UPP2: variants seen among roughly 807,000 people sequenced by gnomAD.
UPP2 encodes the protein uridine phosphorylase 2, also known as UPase 2.
Under a neutral mutation model 26.7 loss-of-function variants are expected in UPP2, and 23 were observed. The observed-to-expected ratio is 0.86, with a 90% confidence interval of 0.62 to 1.22. The LOEUF (loss-of-function observed/expected upper bound fraction) is 1.22. UPP2 is among the 50% of genes most tolerant of loss of function. The probability of loss-of-function intolerance (pLI) is 0.00; values close to 1 mark genes in which losing one functional copy is unlikely to be tolerated. For missense variants in UPP2, 387 were observed against 396.7 expected (o/e 0.98, Z 0.21); for synonymous variants, 127 against 141.3 (o/e 0.90, Z 0.72).
intron 3 of UPP2, among the ~76,000 whole-genome samples, chr2:158,042,994 C>T (rs1684102000): frequency 6.6e-6 from 1 of 152,230 alleles, no homozygotes; most frequent in Non-Finnish European, 1.5e-5. Context: ...CAGTCTCAAA[C>T]CCTCATTTCA....
At position 158,102,091 on chromosome 2, in the gene UPP2, A is replaced by G; in HGVS notation, c.28A>G (p.Arg10Gly). The change falls in exon 1 of 7, where the codon AGG becomes GGG. Residue 10 changes from arginine (R) to glycine (G), a missense_variant. Transcript: ENST00000005756. ...GGCTTCAGTTATACCTGCCTCCAAT[A>G]GGTCCATGAGATCTGACAGGAATAC... MASVIPASN[R>G]SMRSDRNTYV... 1 of 1,613,552 alleles carries G rather than the reference A, an allele frequency of 6.2e-7. No homozygotes were observed. Among genetic ancestry groups the G allele is most frequent in the Non-Finnish European group, 8.5e-7 (1 of 1,179,752 alleles).
chr2:158,116,426 A>T (rs993322386), intron 3 of UPP2, among the ~76,000 whole-genome samples: 19 of 152,204 alleles, frequency 1.2e-4, no homozygotes, highest in African/African-American at 4.3e-4. Context: ...CTTCACAGTA[A>T]GAAATGAAAA....
At chr2:158,045,643 C>A (rs1684142505) in intron 3 of UPP2, among the ~76,000 whole-genome samples, 1 of 152,098 alleles carries the variant, frequency 6.6e-6, no homozygotes, top group Non-Finnish European at 1.5e-5. Flanking sequence ...TTTGGGTTGG[C>A]TTTTGGTGCT....
chr2:158,127,117 G>A (rs1009186580), intron 6 of UPP2, among the ~76,000 whole-genome samples: 2 of 152,152 alleles, frequency 1.3e-5, no homozygotes, highest in Non-Finnish European at 1.5e-5. Flanking sequence ...TTGGGTCCAC[G>A]TGGATTACCA....
At chr2:158,029,795 C>CT (rs565905140) in intron 3 of UPP2, among the ~76,000 whole-genome samples, 1,630 of 132,488 alleles carry the variant, frequency 0.012, 28 homozygotes, top group African/African-American at 0.037. Context: ...CATCTCGTTT[C>CT]TTTTTTTTTT....
intron 3 of UPP2, among the ~76,000 whole-genome samples, chr2:158,090,284 C>G (rs953767838): frequency 2.6e-5 from 4 of 152,116 alleles, no homozygotes; most frequent in Non-Finnish European, 4.4e-5. Context: ...GGGCGGATCA[C>G]GAGGTCGGGG....
In UPP2 at chr2:158,106,312, A is replaced by G. The variant is rs182867359; in HGVS notation, c.180+96A>G. ...AATAATCTATACACCTTTGGCTAGCACAGTCCCAATAGGAACTGAAGTCAC... is the reference window on the plus strand; with the variant it reads ...AATAATCTATACACCTTTGGCTAGCGCAGTCCCAATAGGAACTGAAGTCAC... On this transcript the variant is annotated intron_variant, in intron 2 of 6. Transcript: ENST00000005756. 192 of 1,028,402 alleles carry G rather than the reference A, an allele frequency of 1.9e-4. 2 individuals carry two copies. The African/African-American group carries it at 2.6e-3, about 14-fold the overall frequency. 63.7% of individuals were successfully genotyped at this position (1,028,402 alleles called of 1,614,324 possible).
chr2:158,034,450 CT>C (rs1257373244), intron 3 of UPP2, among the ~76,000 whole-genome samples: 2 of 152,168 alleles, frequency 1.3e-5, no homozygotes, highest in Non-Finnish European at 2.9e-5. Flanking sequence ...TCAGTAAGTT[CT>C]AAGATGTGTA....
chr2:158,033,802 C>T (rs898236540), intron 3 of UPP2, among the ~76,000 whole-genome samples: 9 of 152,164 alleles, frequency 5.9e-5, no homozygotes, highest in African/African-American at 2.2e-4. Flanking sequence ...ACAAATCTCA[C>T]CCCAAGGTTC....
At chr2:158,070,191 TTTATA>T (rs1682516145) in intron 3 of UPP2, among the ~76,000 whole-genome samples, 1 of 152,202 alleles carries the variant, frequency 6.6e-6, no homozygotes, top group African/African-American at 2.4e-5. Flanking sequence ...TTAACAACTC[TTTATA>T]TTAAACTTTC....
intron 6 of UPP2, among the ~76,000 whole-genome samples, chr2:158,125,130 C>CA (rs958269068): frequency 1.3e-5 from 2 of 152,056 alleles, no homozygotes; most frequent in African/African-American, 4.8e-5. Flanking sequence ...TCCTGATATG[C>CA]AAAGAGGAAG....
chr2:158,063,826 T>G (rs2105180917), intron 3 of UPP2, among the ~76,000 whole-genome samples: 1 of 152,154 alleles, frequency 6.6e-6, no homozygotes, highest in East Asian at 1.9e-4. Flanking sequence ...AACTCCCACT[T>G]ATGAGTGAGA....
At chr2:158,114,828 C>T (rs927053748) in intron 2 of UPP2, among the ~76,000 whole-genome samples, 2 of 152,172 alleles carry the variant, frequency 1.3e-5, no homozygotes, top group Non-Finnish European at 1.5e-5. Context: ...TCACTATAAA[C>T]AAAAACACCA....
At chr2:158,111,777 A>G (rs1049291815) in intron 2 of UPP2, among the ~76,000 whole-genome samples, 1 of 151,446 alleles carries the variant, frequency 6.6e-6, no homozygotes, top group East Asian at 1.9e-4. Flanking sequence ...TATTTGTTTT[A>G]GTGGTTGCTC....
intron 3 of UPP2, among the ~76,000 whole-genome samples, chr2:158,033,072 G>GT (rs1198126195): frequency 4.6e-5 from 7 of 152,068 alleles, no homozygotes; most frequent in African/African-American, 1.7e-4. Context: ...GGGTCATTTA[G>GT]AACACCAAAT....
At chr2:158,069,973 C>A (rs1218457179) in intron 3 of UPP2, among the ~76,000 whole-genome samples, 4 of 152,100 alleles carry the variant, frequency 2.6e-5, no homozygotes, top group Non-Finnish European at 4.4e-5. Context: ...TAATCTCAAT[C>A]ATGAGGGCTC....
At chr2:158,019,639 AACAC>A (rs57149695) in intron 3 of UPP2, among the ~76,000 whole-genome samples, 44,990 of 140,874 alleles carry the variant, frequency 0.32, 8,287 homozygotes, top group Admixed American at 0.48. Flanking sequence ...AATCCTTTAA[AACAC>A]ACACACACAC....
At chr2:158,052,683 C>T (rs1486400223) in intron 3 of UPP2, among the ~76,000 whole-genome samples, 6 of 152,182 alleles carry the variant, frequency 3.9e-5, no homozygotes, top group Non-Finnish European at 7.3e-5. Context: ...ATATTATTGC[C>T]TTTTGCCCAA....
chr2:158,035,037 C>T (rs1191217430), intron 3 of UPP2, among the ~76,000 whole-genome samples: 2 of 152,128 alleles, frequency 1.3e-5, no homozygotes, highest in African/African-American at 4.8e-5. Flanking sequence ...CTTTACCTTG[C>T]TACATCCTCT....
Sources: allele counts gnomAD v4.1 joint callset (sites outside exome capture counted in the v4.1 genomes callset), GRCh38; gene constraint gnomAD v4.1.1; transcripts MANE v1.5; gene names NCBI Gene and HGNC (gene_info 2026-07-23, HGNC 2026-07-21).